The following EPHA5 variants were observed in gnomAD, a reference collection of about 807,000 sequenced individuals.
EPHA5 encodes the protein ephrin type-A receptor 5.
EPHA5 carries 60 observed loss-of-function variants against 105.0 expected under a neutral mutation model. That is an observed-to-expected ratio of 0.57 (90% confidence interval 0.46 to 0.71). The LOEUF (loss-of-function observed/expected upper bound fraction) is 0.71. Among genes scored for constraint, EPHA5 ranks in the 30% least tolerant of loss-of-function variants. The pLI, the probability that EPHA5 is intolerant of heterozygous loss-of-function variation, is 0.00. For synonymous variants in EPHA5, 513 were observed against 449.1 expected, an observed-to-expected ratio of 1.14 and a Z score of -1.80; for missense variants, 1,218 against 1,274.7, an observed-to-expected ratio of 0.96 and a Z score of 0.68.
rs551935866 is a variant in EPHA5, at chr4:65,334,803, A to G, written c.2789+1129T>C. Among the ~76,000 whole-genome samples, 13 of 149,820 alleles carry G rather than the reference A, an allele frequency of 8.7e-5. No homozygotes were observed. The South Asian group carries it at 2.7e-3, about 31-fold the overall frequency. On this transcript the variant is annotated intron_variant, in intron 15 of 16. Coordinates refer to ENST00000613740, the MANE Select transcript of EPHA5 (RefSeq NM_001281766.3). ...TATATAAATTAATATAATTTAGAAC[A>G]TAAGTTTTTTTTTACTCCTTTTGTA... is the stretch of plus-strand genomic sequence containing the variant.
At chr4:65,592,831 G>A (rs945781445) in intron 3 of EPHA5, among the ~76,000 whole-genome samples, 1 of 152,118 alleles carries the variant, frequency 6.6e-6, no homozygotes, top group Non-Finnish European at 1.5e-5. Flanking sequence ...GGTTATGGCC[G>A]ACAACAACGC....
intron 3 of EPHA5, among the ~76,000 whole-genome samples, chr4:65,599,579 G>C (rs545213939): frequency 3.2e-4 from 49 of 152,174 alleles, no homozygotes; most frequent in African/African-American, 1.2e-3. Flanking sequence ...ACCAGCAAGC[G>C]TTAATCATAC....
chr4:65,442,634 T>G (rs1726130153), intron 5 of EPHA5, among the ~76,000 whole-genome samples: 1 of 152,144 alleles, frequency 6.6e-6, no homozygotes. Flanking sequence ...CACTCATGCA[T>G]CCACACAATA....
intron 1 of EPHA5, among the ~76,000 whole-genome samples, chr4:65,658,069 A>T (rs1376966995): frequency 2.0e-5 from 3 of 152,068 alleles, no homozygotes; most frequent in Admixed American, 6.6e-5. Context: ...AAAGATCAGA[A>T]ATGTACAGAC....
intron 1 of EPHA5, among the ~76,000 whole-genome samples, chr4:65,666,537 ACTTGCAGATACACTTG>A (rs1749980378): frequency 6.6e-6 from 1 of 152,224 alleles, no homozygotes; most frequent in African/African-American, 2.4e-5. Context: ...TTAAATTTTC[ACTTGCAGATACACTTG>A]CTAATATTTG....
intron 4 of EPHA5, among the ~76,000 whole-genome samples, chr4:65,492,694 G>A (rs937189795): frequency 6.6e-5 from 10 of 152,020 alleles, no homozygotes; most frequent in African/African-American, 2.2e-4. Context: ...TCAATGATGG[G>A]CATTTGGATT....
In EPHA5 at chr4:65,669,680, G is replaced by T. The variant is rs2149571805; in HGVS notation, c.63C>A (p.Thr21=). The change falls in exon 1 of 17, where the codon ACC becomes ACA. Residue 21 remains threonine, a synonymous_variant. Transcript: ENST00000613740. ...RRRPPSGGGD[T]PITPASLAGC... is the part of the protein sequence containing the mutation. ...CGGCCAGGGACGCTGGGGTGATGGG[G>T]GTGTCGCCGCCGCCGCTTGGGGGCC... 1 of 1,330,876 alleles carries T rather than the reference G, an allele frequency of 7.5e-7. No homozygotes were observed. Among genetic ancestry groups the T allele is most frequent in the Non-Finnish European group, 9.6e-7 (1 of 1,036,468 alleles). 82.4% of individuals were successfully genotyped at this position (1,330,876 alleles called of 1,614,324 possible).
chr4:65,479,653 A>T (rs899815667), intron 5 of EPHA5, among the ~76,000 whole-genome samples: 2 of 152,182 alleles, frequency 1.3e-5, no homozygotes, highest in Non-Finnish European at 2.9e-5. Flanking sequence ...GAATGTCCAC[A>T]AATTAGGCAG....
intron 3 of EPHA5, among the ~76,000 whole-genome samples, chr4:65,595,537 GT>G (rs779020217): frequency 9.9e-5 from 15 of 151,414 alleles, no homozygotes; most frequent in African/African-American, 2.4e-5. Context: ...TTTATAACCT[GT>G]AGCTACCCTT....
At chr4:65,546,053 T>C (rs977757802) in intron 3 of EPHA5, among the ~76,000 whole-genome samples, 2 of 151,958 alleles carry the variant, frequency 1.3e-5, no homozygotes, top group East Asian at 1.9e-4. Context: ...TAATAAACAA[T>C]ATGTAAATAA....
At chr4:65,411,219 A>T (rs1722876506) in intron 7 of EPHA5, among the ~76,000 whole-genome samples, 2 of 149,626 alleles carry the variant, frequency 1.3e-5, no homozygotes. Context: ...TCTTCATATT[A>T]AATAGTTTTT....
At chr4:65,404,283 TG>T (rs1722139367) in intron 8 of EPHA5, 90 bp downstream of exon 8, 1 of 928,662 alleles carries the variant, frequency 1.1e-6, no homozygotes, top group Non-Finnish European at 1.7e-6. Flanking sequence ...TTGCCTGATT[TG>T]TTTTGGGATG....
chr4:65,604,948 A>G (rs1372615156), intron 2 of EPHA5, among the ~76,000 whole-genome samples: 1 of 152,324 alleles, frequency 6.6e-6, no homozygotes, highest in African/African-American at 2.4e-5. Flanking sequence ...TTCGATTACT[A>G]GAAGTTGTGA....
Position 65,363,068 on chromosome 4 carries a change from T to C in EPHA5, c.2173+1949A>G, listed in dbSNP as rs547647600. Among the ~76,000 whole-genome samples the C allele has an allele frequency of 2.6e-5, 4 of 151,650 alleles. No homozygotes were observed. In the East Asian group the frequency reaches 7.8e-4, roughly 30 times the overall value. On this transcript the variant is annotated intron_variant, in intron 11 of 16. Transcript: ENST00000613740. ...GACTTTGAATAAGGTTTCAGTGAAG[T>C]TGAAAAAGTAGTGAACATGAGGGTG...
chr4:65,664,044 C>A (rs1394155917), intron 1 of EPHA5, among the ~76,000 whole-genome samples: 1 of 151,796 alleles, frequency 6.6e-6, no homozygotes, highest in Non-Finnish European at 1.5e-5. Context: ...CCATTTTTAC[C>A]TTGCTCAAAC....
At chr4:65,635,475 G>A (rs1747035043) in intron 2 of EPHA5, among the ~76,000 whole-genome samples, 1 of 152,068 alleles carries the variant, frequency 6.6e-6, no homozygotes, top group South Asian at 2.1e-4. Flanking sequence ...GATGCTCAGG[G>A]GAATGTAGTG....
At chr4:65,471,196 T>A (rs946272456) in intron 5 of EPHA5, among the ~76,000 whole-genome samples, 1 of 152,188 alleles carries the variant, frequency 6.6e-6, no homozygotes, top group African/African-American at 2.4e-5. Flanking sequence ...TGGATGAAGT[T>A]TTTCTTTTAA....
chr4:65,476,127 A>AGAGAGTGTGT (rs1425495059), intron 5 of EPHA5, among the ~76,000 whole-genome samples: 30 of 119,106 alleles, frequency 2.5e-4, no homozygotes, highest in East Asian at 7.2e-4. Flanking sequence ...AGAGAGAGAG[A>AGAGAGTGTGT]GTGTGTGTGT....
intron 5 of EPHA5, among the ~76,000 whole-genome samples, chr4:65,465,993 G>A (rs957666991): frequency 6.6e-5 from 10 of 152,056 alleles, no homozygotes; most frequent in African/African-American, 2.4e-4. Context: ...CACTTTCAAG[G>A]ACAAACAAAA....
Sources: allele counts gnomAD v4.1 joint callset (sites outside exome capture counted in the v4.1 genomes callset), GRCh38; gene constraint gnomAD v4.1.1; transcripts MANE v1.5; gene names NCBI Gene and HGNC (gene_info 2026-07-23, HGNC 2026-07-21).